Variants in LCK observed in about 807,000 individuals in gnomAD.
LCK encodes the protein tyrosine-protein kinase Lck.
LCK carries 14 observed loss-of-function variants against 64.6 expected under a neutral mutation model. The observed-to-expected ratio is 0.22, with a 90% CI of 0.14 to 0.34. LCK has a LOEUF of 0.34. LCK is among the 10% of genes least tolerant of loss of function. The pLI is 1.00. For synonymous variants in LCK, 277 were observed against 263.6 expected (o/e 1.05, Z -0.49); for missense variants, 434 against 668.1 (o/e 0.65, Z 3.86).
chr1:32,268,947 CTG>C (rs1557578728), intron 1 of LCK, among the ~76,000 whole-genome samples: 1 of 147,960 alleles, frequency 6.8e-6, no homozygotes, highest in Non-Finnish European at 1.5e-5. Flanking sequence ...TGGCAAAACT[CTG>C]TCTCTACTAA....
intron 12 of LCK, among the ~76,000 whole-genome samples, chr1:32,283,584 G>C (rs1426900214): frequency 1.3e-5 from 2 of 152,042 alleles, no homozygotes; most frequent in Non-Finnish European, 2.9e-5. Flanking sequence ...CTCTTCTTGG[G>C]GTCTACATGC....
At chr1:32,264,863 G>C (rs1470086880) in intron 1 of LCK, among the ~76,000 whole-genome samples, 1 of 152,086 alleles carries the variant, frequency 6.6e-6, no homozygotes, top group African/African-American at 2.4e-5. Flanking sequence ...CTCCCAAAGT[G>C]CTGGGATTAC....
At chr1:32,271,191 T>C (rs181547839) in intron 1 of LCK, among the ~76,000 whole-genome samples, 2 of 151,818 alleles carry the variant, frequency 1.3e-5, no homozygotes, top group East Asian at 3.9e-4. Context: ...TTTCTAGAGA[T>C]GAGGTCTCAC....
intron 1 of LCK, among the ~76,000 whole-genome samples, chr1:32,263,402 A>T (rs867243663): frequency 4.5e-4 from 64 of 141,102 alleles, no homozygotes; most frequent in Non-Finnish European, 5.2e-4. Flanking sequence ...CAAAATAAAT[A>T]AAATAAATAA....
intron 9 of LCK, among the ~76,000 whole-genome samples, chr1:32,278,951 TAG>T (rs1191241253): frequency 1.2e-4 from 18 of 152,146 alleles, no homozygotes; most frequent in Admixed American, 1.1e-3. Context: ...CCTCCACTAT[TAG>T]AGAGGTGGTC....
At chr1:32,284,261 T>TATATATATATATCTGTGAG (rs1640548956) in intron 12 of LCK, among the ~76,000 whole-genome samples, 1 of 149,042 alleles carries the variant, frequency 6.7e-6, no homozygotes, top group African/African-American at 2.5e-5. Context: ...GATATATATA[T>TATATATATATATCTGTGAG]ATATATATAT....
rs779807330 is a variant in LCK at position 32,275,538 on chromosome 1, G to T, written c.378-31G>T. The T allele has an allele frequency of 1.3e-6, 2 of 1,555,980 alleles. No homozygotes were observed. The highest frequency in any genetic ancestry group is 1.2e-5 in the South Asian group (1 of 85,628). On this transcript the variant is annotated intron_variant, in intron 5 of 12. Coordinates refer to ENST00000336890, the MANE Select transcript of LCK (RefSeq NM_005356.5). This position sits in a 1 kb window ranked among gnomAD's most constrained non-coding sequence, Gnocchi z 6.9. ...CACGGAGGAAGATCCGACGACAGCC[G>T]ACGGCCTTCGTTCGCTTCCGCCCTG...
At chr1:32,273,494 C>T (rs371758232) in intron 1 of LCK, among the ~76,000 whole-genome samples, 6 of 151,908 alleles carry the variant, frequency 3.9e-5, no homozygotes, top group African/African-American at 9.7e-5. Flanking sequence ...ATGCATGGTA[C>T]ATTAAACTTT....
chr1:32,268,825 AAAAAG>A (rs1237042815), intron 1 of LCK, among the ~76,000 whole-genome samples: 3 of 150,946 alleles, frequency 2.0e-5, no homozygotes, highest in African/African-American at 7.3e-5. Context: ...AAAAAAAAAA[AAAAAG>A]AAAAGAAAAG....
At chr1:32,266,600 C>T (rs1002319045) in intron 1 of LCK, among the ~76,000 whole-genome samples, 19 of 149,914 alleles carry the variant, frequency 1.3e-4, no homozygotes, top group Non-Finnish European at 2.4e-4. Context: ...TCCTCCTCCT[C>T]CTCCGCCACC....
Position 32,251,932 on chromosome 1 carries a change from G to GAGAGAC in LCK, c.-6+567_-6+572dup, listed in dbSNP as rs1639518391. Among the ~76,000 whole-genome samples, 1 of 149,696 alleles carries GAGAGAC rather than the reference G, an allele frequency of 6.7e-6. No individual in the cohort carries two copies. The highest frequency in any genetic ancestry group is 2.1e-4 in the South Asian group (1 of 4,762). On this transcript the variant is annotated intron_variant, in intron 1 of 12. Transcript: ENST00000336890. The surrounding 1 kb of genome is among the most constrained non-coding windows in gnomAD (Gnocchi z 4.0). ...AGAGAGAGAGAGAGAGAGAGAGAGAGAGAGACAGAGATCACCCAAGGCATC... is the reference window on the plus strand; with the variant it reads ...AGAGAGAGAGAGAGAGAGAGAGAGAGAGAGACAGAGACAGAGATCACCCAAGGCATC...
Position 32,276,600 on chromosome 1 carries a change from G to A in LCK, c.785-7G>A, listed in dbSNP as rs779692471. 5 of 1,599,718 alleles carry A rather than the reference G, an allele frequency of 3.1e-6. No homozygotes were observed. Among genetic ancestry groups the A allele is most frequent in the South Asian group, 2.2e-5 (2 of 89,946 alleles). On this transcript the variant is annotated splice_region_variant and splice_polypyrimidine_tract_variant and intron_variant, in intron 8 of 12. Coordinates refer to ENST00000336890, the MANE Select transcript of LCK (RefSeq NM_005356.5). This position sits in a 1 kb window ranked among gnomAD's most constrained non-coding sequence, Gnocchi z 4.6. ...GACTTTCCCACTCCTTCCCTTCCCCGACCCAGGGTACTACAACGGGCACAC... is the reference window on the plus strand; with the variant it reads ...GACTTTCCCACTCCTTCCCTTCCCCAACCCAGGGTACTACAACGGGCACAC...
intron 3 of LCK, 73 bp from the exon 4 acceptor site, chr1:32,274,920 G>A: frequency 6.2e-7 from 1 of 1,613,880 alleles, no homozygotes; most frequent in South Asian, 1.1e-5. Flanking sequence ...TGCCTTCCTT[G>A]TCCCCCACCC....
In LCK at chr1:32,275,775, G is replaced by A; in HGVS notation, c.481+103G>A. The A allele has an allele frequency of 7.1e-7, 1 of 1,404,280 alleles. No individual in the cohort carries two copies. Among genetic ancestry groups the A allele is most frequent in the Non-Finnish European group, 9.7e-7 (1 of 1,033,282 alleles). 87.0% of individuals were successfully genotyped at this position (1,404,280 alleles called of 1,614,324 possible). On this transcript the variant is annotated intron_variant, in intron 6 of 12. Coordinates refer to ENST00000336890, the MANE Select transcript of LCK (RefSeq NM_005356.5). This position sits in a 1 kb window ranked among gnomAD's most constrained non-coding sequence, Gnocchi z 6.9. ...GTGGAGACACGGGGTGAGTCGGAGG[G>A]GGACGCGGGATGAGCCCGAGGTGGG...
intron 1 of LCK, among the ~76,000 whole-genome samples, chr1:32,269,789 A>C (rs1344311392): frequency 1.3e-5 from 2 of 152,096 alleles, no homozygotes; most frequent in Admixed American, 6.6e-5. Flanking sequence ...AAAGGAGATT[A>C]ATTACCCAGT....
At chr1:32,278,570 C>G (rs1016065555) in intron 9 of LCK, among the ~76,000 whole-genome samples, 1 of 152,122 alleles carries the variant, frequency 6.6e-6, no homozygotes, top group African/African-American at 2.4e-5. Context: ...ATCTCCTGTC[C>G]TCAGGTGATC....
chr1:32,276,763 T>C lies in LCK; in HGVS notation c.941T>C (p.Ile314Thr). Residue 314 changes from isoleucine (I) to threonine (T), a missense_variant, in exon 9 of 13, where the codon ATC becomes ACC. By Grantham distance (89) the Ile-to-Thr change is moderately conservative. Coordinates refer to ENST00000336890, the MANE Select transcript of LCK (RefSeq NM_005356.5). This position sits in a 1 kb window ranked among gnomAD's most constrained non-coding sequence, Gnocchi z 4.6. The stretch of plus-strand genomic sequence containing the variant: ...GTGGTCACCCAGGAGCCCATCTACA[T>C]CATCACTGAATACATGGAGAATGGT... ...YAVVTQEPIYIITEYMENGSL... is the reference protein window; with the variant it reads ...YAVVTQEPIYTITEYMENGSL... 1.2e-6 allele frequency: 2 copies of C among 1,610,952 alleles called. No homozygotes were observed. Among genetic ancestry groups the C allele is most frequent in the East Asian group, 2.2e-5 (1 of 44,788 alleles).
chr1:32,284,078 T>C (rs2124380469), intron 12 of LCK, among the ~76,000 whole-genome samples: 1 of 151,762 alleles, frequency 6.6e-6, no homozygotes, highest in East Asian at 1.9e-4. Context: ...AGACAGGTTT[T>C]TACTATGTTG....
intron 1 of LCK, among the ~76,000 whole-genome samples, chr1:32,253,343 CA>C (rs1253980646): frequency 7.9e-5 from 12 of 152,148 alleles, no homozygotes; most frequent in African/African-American, 2.9e-4. Context: ...GCCTAGGCAA[CA>C]GAGCGAAACC....
Sources: allele counts gnomAD v4.1 joint callset (sites outside exome capture counted in the v4.1 genomes callset), GRCh38; gene constraint gnomAD v4.1.1; non-coding constraint Gnocchi (gnomAD v3.1); transcripts MANE v1.5; gene names NCBI Gene and HGNC (gene_info 2026-07-23, HGNC 2026-07-21).